Variants in MAGI3 observed in about 807,000 individuals in gnomAD.
The protein encoded by MAGI3 is membrane-associated guanylate kinase, WW and PDZ domain-containing protein 3.
Under a neutral mutation model 121.8 loss-of-function variants are expected in MAGI3, and 43 were observed. The observed-to-expected ratio is 0.35, with a 90% confidence interval of 0.28 to 0.46. The LOEUF (loss-of-function observed/expected upper bound fraction) is 0.46, where lower values mean the gene tolerates loss of function less well. Among genes scored for constraint, MAGI3 ranks in the 20% least tolerant of loss-of-function variants. The probability of loss-of-function intolerance (pLI) is 1.00; values close to 1 mark genes in which losing one functional copy is unlikely to be tolerated. For synonymous variants in MAGI3, 553 were observed against 639.3 expected (o/e 0.86, Z 2.04); for missense variants, 1,547 against 1,797.3 (o/e 0.86, Z 2.52).
At position 113,619,846 on chromosome 1, in the gene MAGI3, A is replaced by G; in HGVS notation, c.1171+16A>G. The G allele has an allele frequency of 1.3e-6, 2 of 1,551,844 alleles. No individual in the cohort carries two copies. Among genetic ancestry groups the G allele is most frequent in the Non-Finnish European group, 1.8e-6 (2 of 1,127,270 alleles). Reference sequence around the variant, plus strand: ...TCAAAACCAGGTAAGCATTCTTTTCAATCTTTTCTTCTAAGAATAACTTGT... The same window carrying G: ...TCAAAACCAGGTAAGCATTCTTTTCGATCTTTTCTTCTAAGAATAACTTGT... On this transcript the variant is annotated intron_variant, in intron 8 of 20. Transcript: ENST00000307546.
At chr1:113,645,338 T>C (rs1342509999) in intron 11 of MAGI3, among the ~76,000 whole-genome samples, 1 of 152,156 alleles carries the variant, frequency 6.6e-6, no homozygotes, top group Non-Finnish European at 1.5e-5. Flanking sequence ...TCTGCCCTTT[T>C]CATTGACTGC....
chr1:113,561,411 T>C (rs1660228842), intron 2 of MAGI3, among the ~76,000 whole-genome samples: 1 of 152,132 alleles, frequency 6.6e-6, no homozygotes, highest in Non-Finnish European at 1.5e-5. Flanking sequence ...AAAAAACTTA[T>C]CCACCACAAT....
intron 10 of MAGI3, 36 bp from the exon 11 acceptor site, chr1:113,643,707 C>G (rs778756883): frequency 6.2e-7 from 1 of 1,607,612 alleles, no homozygotes; most frequent in Admixed American, 1.7e-5. Context: ...GGAATGCATC[C>G]TCTGGTTTTA....
At chr1:113,585,315 A>T in intron 3 of MAGI3, 72 bp from the exon 4 acceptor site, 1 of 1,403,446 alleles carries the variant, frequency 7.1e-7, no homozygotes. Context: ...GGGCAGAGAC[A>T]TACACTAGGT....
chr1:113,401,088 T>G (rs1211575724), intron 1 of MAGI3, among the ~76,000 whole-genome samples: 1 of 152,180 alleles, frequency 6.6e-6, no homozygotes, highest in Admixed American at 6.6e-5. Flanking sequence ...TTATTCTCTA[T>G]GAGTCAGATA....
At chr1:113,495,373 A>T (rs79772498) in intron 1 of MAGI3, among the ~76,000 whole-genome samples, 4,788 of 105,394 alleles carry the variant, frequency 0.045, 130 homozygotes, top group Non-Finnish European at 0.066. Flanking sequence ...TTTTTTTTTT[A>T]ATTTCAGTAG....
chr1:113,420,613 TA>T (rs1652687612), intron 1 of MAGI3, among the ~76,000 whole-genome samples: 1 of 152,342 alleles, frequency 6.6e-6, no homozygotes, highest in East Asian at 1.9e-4. Flanking sequence ...GGAGTTTGAA[TA>T]TTTAATCTTA....
intron 7 of MAGI3, among the ~76,000 whole-genome samples, chr1:113,616,234 G>T (rs1650455237): frequency 6.6e-6 from 1 of 152,210 alleles, no homozygotes; most frequent in African/African-American, 2.4e-5. Flanking sequence ...AGCAACAGCA[G>T]CAGCGACATG....
At chr1:113,504,616 A>G in intron 1 of MAGI3, among the ~76,000 whole-genome samples, 1 of 152,148 alleles carries the variant, frequency 6.6e-6, no homozygotes, top group Non-Finnish European at 1.5e-5. Context: ...TTGGAAATGT[A>G]AGAGTTATTT....
intron 13 of MAGI3, among the ~76,000 whole-genome samples, chr1:113,650,157 A>G (rs1653076306): frequency 6.6e-6 from 1 of 152,166 alleles, no homozygotes; most frequent in Admixed American, 6.5e-5. Flanking sequence ...TTTATGTAGT[A>G]TAAATTTGTT....
rs956437751 is a variant in MAGI3 at position 113,391,200 on chromosome 1, C to T, written c.167C>T (p.Thr56Ile). ...CTCCGCGAGGAGCCCGGCGGGGGCACCTGCTGCGTCGTCTCGGGCAAGGCG... is the reference window on the plus strand; with the variant it reads ...CTCCGCGAGGAGCCCGGCGGGGGCATCTGCTGCGTCGTCTCGGGCAAGGCG... ...GRLREEPGGG[T>I]CCVVSGKAPS... Residue 56 changes from threonine (T) to isoleucine (I), a missense_variant, in exon 1 of 21, where the codon ACC (threonine) becomes ATC (isoleucine). Thr to Ile is a moderately conservative substitution (Grantham distance 89). Transcript: ENST00000307546. This position sits in a 1 kb window ranked among gnomAD's most constrained non-coding sequence, Gnocchi z 4.4. The T allele has an allele frequency of 1.9e-6, 3 of 1,552,260 alleles. No individual in the cohort carries two copies. The highest frequency in any genetic ancestry group is 1.2e-5 in the South Asian group (1 of 84,146).
At chr1:113,530,264 C>T (rs551129358) in intron 1 of MAGI3, among the ~76,000 whole-genome samples, 10 of 151,212 alleles carry the variant, frequency 6.6e-5, no homozygotes, top group East Asian at 1.9e-4. Flanking sequence ...AAGTTGATTC[C>T]GGCTGTCTGC....
At chr1:113,562,936 A>G (rs1462910102) in intron 2 of MAGI3, among the ~76,000 whole-genome samples, 2 of 152,250 alleles carry the variant, frequency 1.3e-5, no homozygotes, top group Non-Finnish European at 2.9e-5. Flanking sequence ...AAACTCTTCT[A>G]GAAAATAGTG....
chr1:113,558,313 A>G (rs569297299), intron 2 of MAGI3, among the ~76,000 whole-genome samples: 1 of 152,312 alleles, frequency 6.6e-6, no homozygotes, highest in Admixed American at 6.5e-5. Context: ...GCTAAGAATT[A>G]TCATAGAACA....
chr1:113,396,287 T>TGTGTG (rs1651113629), intron 1 of MAGI3, among the ~76,000 whole-genome samples: 2 of 146,878 alleles, frequency 1.4e-5, no homozygotes, highest in East Asian at 4.0e-4. Flanking sequence ...AATGTCAGGG[T>TGTGTG]TGTGTGTGTG....
intron 2 of MAGI3, among the ~76,000 whole-genome samples, chr1:113,574,017 C>T (rs1052891446): frequency 5.3e-5 from 8 of 151,508 alleles, no homozygotes; most frequent in African/African-American, 1.9e-4. Flanking sequence ...GCAACCCCTG[C>T]CTTTTTTTTT....
At chr1:113,575,436 A>G (rs1045207706) in intron 2 of MAGI3, among the ~76,000 whole-genome samples, 2 of 152,150 alleles carry the variant, frequency 1.3e-5, no homozygotes, top group Non-Finnish European at 2.9e-5. Flanking sequence ...TTCCCTTCTA[A>G]TAGTCAGGCC....
chr1:113,624,329 G>A (rs1050260141), intron 9 of MAGI3, among the ~76,000 whole-genome samples: 3 of 152,184 alleles, frequency 2.0e-5, no homozygotes, highest in African/African-American at 7.2e-5. Flanking sequence ...CAGCAACAGT[G>A]TATGAGGGTT....
chr1:113,560,479 A>G lies in MAGI3; in HGVS notation c.433+10848A>G, dbSNP rs559396700. On this transcript the variant is annotated intron_variant, in intron 2 of 20. Transcript: ENST00000307546. ...GAAAGAAGTTCACTTAAAACCATACAACTACATGGAAATTGAACAACCTGC... is the reference window on the plus strand; with the variant it reads ...GAAAGAAGTTCACTTAAAACCATACGACTACATGGAAATTGAACAACCTGC... 4.6e-5 allele frequency among the ~76,000 whole-genome samples: 7 copies of G among 152,260 alleles called. No individual in the cohort carries two copies. The South Asian group carries it at 1.5e-3, about 32-fold the overall frequency.
Sources: allele counts gnomAD v4.1 joint callset (sites outside exome capture counted in the v4.1 genomes callset), GRCh38; gene constraint gnomAD v4.1.1; non-coding constraint Gnocchi (gnomAD v3.1); transcripts MANE v1.5; gene names NCBI Gene and HGNC (gene_info 2026-07-23, HGNC 2026-07-21).